Variants in EPS15 observed in about 807,000 individuals in gnomAD.
EPS15 encodes the protein epidermal growth factor receptor pathway substrate 15, also known as epidermal growth factor receptor substrate 15.
Under a neutral mutation model 113.8 loss-of-function variants are expected in EPS15, and 72 were observed. The ratio of observed to expected loss-of-function variants is 0.63; its 90% CI spans 0.52 to 0.77. EPS15 has a LOEUF of 0.77. Ranked by LOEUF, EPS15 falls within the 30% of genes least tolerant of loss-of-function variation. The pLI, the probability that EPS15 is intolerant of heterozygous loss-of-function variation, is 0.00. For synonymous variants in EPS15, 344 were observed against 363.4 expected (o/e 0.95, Z 0.61); for missense variants, 1,048 against 1,045.8 (o/e 1.00, Z -0.03).
chr1:51,365,452 T>C (rs565203888), intron 22 of EPS15, among the ~76,000 whole-genome samples: 1 of 152,292 alleles, frequency 6.6e-6, no homozygotes, highest in East Asian at 1.9e-4. Flanking sequence ...AACAATCTAA[T>C]CCTCCTTTTC....
In EPS15 at chr1:51,444,914, G is replaced by C; in HGVS notation, c.929C>G (p.Pro310Arg). 1 of 1,613,760 alleles carries C rather than the reference G, an allele frequency of 6.2e-7. No homozygotes were observed. ...PHVLTPEMIP[P>R]SDRASLQKNI... The stretch of plus-strand genomic sequence containing the variant: ...CTTTTGTAAACTGGCCCTGTCTGAT[G>C]GTGGAATCATTTCAGGAGTAAGAAC... Residue 310 changes from proline (P) to arginine (R), a missense_variant, in exon 11 of 25, where the codon CCA (proline) becomes CGA (arginine). Physicochemically the swap from Pro to Arg is moderately radical, Grantham distance 103 (BLOSUM62 -2). Coordinates refer to ENST00000371733, the MANE Select transcript of EPS15 (RefSeq NM_001981.3).
chr1:51,388,873 G>A (rs555270675), intron 21 of EPS15, among the ~76,000 whole-genome samples: 4 of 151,890 alleles, frequency 2.6e-5, no homozygotes, highest in African/African-American at 7.2e-5. Context: ...ATTCACAGCC[G>A]AATTCTACCA....
At chr1:51,444,079 T>C (rs1652819508) in intron 11 of EPS15, among the ~76,000 whole-genome samples, 1 of 152,186 alleles carries the variant, frequency 6.6e-6, no homozygotes, top group Non-Finnish European at 1.5e-5. Flanking sequence ...CAACTCTTAT[T>C]ACTGTATAAC....
intron 21 of EPS15, among the ~76,000 whole-genome samples, chr1:51,386,358 G>C (rs1401013057): frequency 6.6e-6 from 1 of 152,200 alleles, no homozygotes; most frequent in Non-Finnish European, 1.5e-5. Context: ...GGAGCACTGA[G>C]CTGGGTAGTG....
At chr1:51,385,737 T>C (rs1047436269) in intron 21 of EPS15, among the ~76,000 whole-genome samples, 4 of 152,114 alleles carry the variant, frequency 2.6e-5, no homozygotes, top group Non-Finnish European at 4.4e-5. Context: ...GGTAAAAAAT[T>C]CAATACATTA....
At chr1:51,404,464 G>A (rs145045095) in intron 16 of EPS15, among the ~76,000 whole-genome samples, 7 of 151,826 alleles carry the variant, frequency 4.6e-5, no homozygotes, top group East Asian at 1.9e-4. Context: ...TGCCTTTTGC[G>A]CTTGAAAGAA....
At chr1:51,382,972 A>T (rs1379074028) in intron 21 of EPS15, among the ~76,000 whole-genome samples, 2 of 152,232 alleles carry the variant, frequency 1.3e-5, no homozygotes, top group Non-Finnish European at 2.9e-5. Flanking sequence ...TCCTTTATGA[A>T]TATTTTTGTA....
chr1:51,412,983 TC>T (rs1649871862), intron 13 of EPS15, among the ~76,000 whole-genome samples: 1 of 152,198 alleles, frequency 6.6e-6, no homozygotes, highest in African/African-American at 2.4e-5. Context: ...TATGTGTTGT[TC>T]CCTCTTATCT....
chr1:51,463,180 A>G (rs1397555152), intron 7 of EPS15: 1 of 152,250 alleles, frequency 6.6e-6, no homozygotes, highest in Non-Finnish European at 1.5e-5. Context: ...CCAGCCAAGA[A>G]GTCAGATTTA....
chr1:51,425,423 A>G (rs1651117963), intron 12 of EPS15, among the ~76,000 whole-genome samples: 1 of 152,124 alleles, frequency 6.6e-6, no homozygotes, highest in Admixed American at 6.5e-5. Context: ...AAGACAAGAT[A>G]AAATCATCTT....
chr1:51,488,865 C>T (rs1183501339), intron 1 of EPS15, among the ~76,000 whole-genome samples: 2 of 152,180 alleles, frequency 1.3e-5, no homozygotes, highest in Admixed American at 6.5e-5. Context: ...ATGTGTCCAA[C>T]TCCGAGGATG....
chr1:51,440,791 G>C (rs758371348), intron 11 of EPS15, among the ~76,000 whole-genome samples: 2 of 152,016 alleles, frequency 1.3e-5, no homozygotes, highest in Non-Finnish European at 2.9e-5. Context: ...AAATTTCTCA[G>C]AGAAACTGAT....
At position 51,500,752 on chromosome 1, in the gene EPS15, A is replaced by G. The variant is rs113736655; in HGVS notation, c.33+18447T>C. Among the ~76,000 whole-genome samples the G allele has an allele frequency of 9.5e-3, 1,452 of 152,216 alleles. 24 individuals are homozygous for G. Among genetic ancestry groups the G allele is most frequent in the African/African-American group, 0.033 (1,388 of 41,514 alleles). ...GTAATCCCAGCACTTTGGGAGGCTG[A>G]GGTGGGAGGATCACGAGGTCAGGAG... On this transcript the variant is annotated intron_variant, in intron 1 of 24. Transcript: ENST00000371733.
intron 21 of EPS15, among the ~76,000 whole-genome samples, chr1:51,386,007 C>T (rs1386274170): frequency 6.6e-6 from 1 of 152,056 alleles, no homozygotes; most frequent in African/African-American, 2.4e-5. Flanking sequence ...GTGAACTGTA[C>T]ATTTAAAAAA....
rs896464437 is a variant in EPS15, at chr1:51,467,034, T to C, written c.309+1439A>G. On this transcript the variant is annotated intron_variant, in intron 5 of 24. Coordinates refer to ENST00000371733, the MANE Select transcript of EPS15 (RefSeq NM_001981.3). ...AACAGACATTCACATAAAGGCAATG[T>C]AAACATAAGAAAAGCTTATAAGAAA... Among the ~76,000 whole-genome samples the C allele has an allele frequency of 5.3e-5, 8 of 152,164 alleles. No homozygotes were observed. In the South Asian group the frequency reaches 1.0e-3, roughly 20 times the overall value.
intron 4 of EPS15, among the ~76,000 whole-genome samples, chr1:51,469,538 C>A (rs546225273): frequency 6.6e-6 from 1 of 152,252 alleles, no homozygotes; most frequent in East Asian, 1.9e-4. Flanking sequence ...ATAACAAAAG[C>A]CTTTACTCCA....
chr1:51,462,371 G>GA (rs796097880), intron 7 of EPS15, among the ~76,000 whole-genome samples: 10,621 of 117,302 alleles, frequency 0.091, 751 homozygotes, highest in African/African-American at 0.23. Flanking sequence ...CTCAAAAAAA[G>GA]AAAAAAAAAA....
chr1:51,392,240 C>T (rs1647453929), intron 21 of EPS15, among the ~76,000 whole-genome samples: 1 of 152,188 alleles, frequency 6.6e-6, no homozygotes, highest in South Asian at 2.1e-4. Flanking sequence ...TGTTTCATCT[C>T]TCCATGCCTG....
chr1:51,428,416 C>T (rs1570281628), intron 12 of EPS15, among the ~76,000 whole-genome samples: 1 of 152,054 alleles, frequency 6.6e-6, no homozygotes, highest in East Asian at 1.9e-4. Context: ...GAGACAAATG[C>T]ATAAAAAAGA....
Sources: allele counts gnomAD v4.1 joint callset (sites outside exome capture counted in the v4.1 genomes callset), GRCh38; gene constraint gnomAD v4.1.1; transcripts MANE v1.5; gene names NCBI Gene and HGNC (gene_info 2026-07-23, HGNC 2026-07-21).